The following AGMO variants were observed in gnomAD, a reference collection of about 807,000 sequenced individuals.
The protein encoded by AGMO is alkylglycerol monooxygenase.
A neutral mutation model predicts 60.2 loss-of-function variants in AGMO; 75 were observed. The ratio of observed to expected loss-of-function variants is 1.25; its 90% CI spans 1.03 to 1.51. The LOEUF (loss-of-function observed/expected upper bound fraction) is 1.51, where lower values mean the gene tolerates loss of function less well. AGMO is among the 40% of genes most tolerant of loss of function. AGMO has a pLI of 0.00. For missense variants in AGMO, 763 were observed against 525.5 expected (o/e 1.45, Z -4.42); for synonymous variants, 261 against 177.1 (o/e 1.47, Z -3.76).
chr7:15,443,145 G>A (rs1351946152), intron 3 of AGMO, among the ~76,000 whole-genome samples: 4 of 152,192 alleles, frequency 2.6e-5, no homozygotes, highest in Non-Finnish European at 5.9e-5. Context: ...ACCAAGGCAG[G>A]AAACCCTGGG....
intron 12 of AGMO, among the ~76,000 whole-genome samples, chr7:15,335,126 G>T (rs771313298): frequency 6.6e-6 from 1 of 152,136 alleles, no homozygotes; most frequent in South Asian, 2.1e-4. Flanking sequence ...AATGTAAAGT[G>T]TTCCATTTCT....
intron 3 of AGMO, among the ~76,000 whole-genome samples, chr7:15,452,603 G>A (rs1383341413): frequency 6.6e-6 from 1 of 152,170 alleles, no homozygotes; most frequent in African/African-American, 2.4e-5. Flanking sequence ...GTGAGGATGT[G>A]GAGAAGTTAG....
intron 3 of AGMO, among the ~76,000 whole-genome samples, chr7:15,508,085 C>T (rs746277906): frequency 7.2e-5 from 11 of 151,864 alleles, no homozygotes; most frequent in Non-Finnish European, 1.3e-4. Flanking sequence ...TAAAATAGCA[C>T]CAAAAGGGAG....
At chr7:15,304,067 T>C (rs896553788) in intron 12 of AGMO, among the ~76,000 whole-genome samples, 2 of 152,164 alleles carry the variant, frequency 1.3e-5, no homozygotes, top group Non-Finnish European at 2.9e-5. Context: ...CTTTTACATA[T>C]AACAATGCCA....
At position 15,455,157 on chromosome 7, in the gene AGMO, T is replaced by C. The variant is rs943634855; in HGVS notation, c.410-24049A>G. Among the ~76,000 whole-genome samples, 5 of 151,996 alleles carry C rather than the reference T, an allele frequency of 3.3e-5. No homozygotes were observed. The East Asian group carries it at 9.7e-4, about 29-fold the overall frequency. On this transcript the variant is annotated intron_variant, in intron 3 of 12. Coordinates refer to ENST00000342526, the MANE Select transcript of AGMO (RefSeq NM_001004320.2). Reference sequence around the variant, plus strand: ...TCTCAATAGAGTTATATTATCATTATTTTTGGTAAATAAGTATGAAATGTA... The same window carrying C: ...TCTCAATAGAGTTATATTATCATTACTTTTGGTAAATAAGTATGAAATGTA...
rs931311518 is a variant in AGMO, at chr7:15,384,240, A to G, written c.1074+1206T>C. On this transcript the variant is annotated intron_variant, in intron 10 of 12. Coordinates refer to ENST00000342526, the MANE Select transcript of AGMO (RefSeq NM_001004320.2). ...GCATGAGCCACCACGCCCAGCCTCA[A>G]TTTAGTCCATCTTTTAATGCACTAG... is the stretch of plus-strand genomic sequence containing the variant. Among the ~76,000 whole-genome samples, 8 of 152,250 alleles carry G rather than the reference A, an allele frequency of 5.3e-5. No individual in the cohort carries two copies. The East Asian group carries it at 9.6e-4, about 18-fold the overall frequency.
intron 10 of AGMO, among the ~76,000 whole-genome samples, chr7:15,375,865 A>T (rs1194652140): frequency 6.6e-6 from 1 of 152,170 alleles, no homozygotes; most frequent in South Asian, 2.1e-4. Flanking sequence ...TTTGTTATGT[A>T]ACTTTTTAAA....
chr7:15,194,811 GCCA>G, the AGMO span, among the ~76,000 whole-genome samples: 3 of 152,086 alleles, frequency 2.0e-5, no homozygotes, highest in African/African-American at 7.2e-5. Flanking sequence ...CCGTGTGGCT[GCCA>G]GGTTCCATTT....
chr7:15,439,913 C>T (rs1781503380), intron 3 of AGMO, among the ~76,000 whole-genome samples: 1 of 152,154 alleles, frequency 6.6e-6, no homozygotes, highest in Non-Finnish European at 1.5e-5. Flanking sequence ...CTGTCTCTTG[C>T]TTCCAATCTC....
the AGMO span, among the ~76,000 whole-genome samples, chr7:15,184,321 G>A: frequency 2.0e-3 from 192 of 94,426 alleles, 46 homozygotes; most frequent in Non-Finnish European, 2.4e-3. Context: ...GAGGGAAGGA[G>A]GGAAGGAGGA....
intron 12 of AGMO, among the ~76,000 whole-genome samples, chr7:15,214,624 GA>G (rs983045888): frequency 1.1e-4 from 17 of 151,916 alleles, no homozygotes; most frequent in African/African-American, 3.9e-4. Flanking sequence ...AAGAGCAGAG[GA>G]AAAAAATGGA....
intron 3 of AGMO, among the ~76,000 whole-genome samples, chr7:15,531,727 C>T (rs571534963): frequency 2.0e-4 from 30 of 148,694 alleles, no homozygotes; most frequent in East Asian, 1.4e-3. Context: ...CTAGGCTCAT[C>T]GCACCCTCTG....
chr7:15,507,413 T>C (rs1384445330), intron 3 of AGMO, among the ~76,000 whole-genome samples: 1 of 152,176 alleles, frequency 6.6e-6, no homozygotes, highest in African/African-American at 2.4e-5. Context: ...ATCCAGCCTC[T>C]AGAACCTACC....
chr7:15,528,830 T>C (rs1001836965), intron 3 of AGMO, among the ~76,000 whole-genome samples: 2 of 152,098 alleles, frequency 1.3e-5, no homozygotes, highest in African/African-American at 2.4e-5. Flanking sequence ...GTATTTTTAT[T>C]GGAGATGGAG....
At chr7:15,430,918 G>GGTTTTTTT in intron 4 of AGMO, 87 bp downstream of exon 4, 1 of 394,274 alleles carries the variant, frequency 2.5e-6, no homozygotes, top group East Asian at 4.2e-5. Flanking sequence ...CCTTCTATTA[G>GGTTTTTTT]TTTTTTTTTT....
rs373678155 is a variant in AGMO, at chr7:15,486,404, G to A, written c.410-55296C>T. Among the ~76,000 whole-genome samples, 6 of 152,300 alleles carry A rather than the reference G, an allele frequency of 3.9e-5. No individual in the cohort carries two copies. In the East Asian group the frequency reaches 1.2e-3, roughly 29 times the overall value. On this transcript the variant is annotated intron_variant, in intron 3 of 12. Coordinates refer to ENST00000342526, the MANE Select transcript of AGMO (RefSeq NM_001004320.2). Reference sequence around the variant, plus strand: ...AACTGAAGTAAACAAGCTTGAGAAAGTGACAATATCTGGTAAACACGAACA... The same window carrying A: ...AACTGAAGTAAACAAGCTTGAGAAAATGACAATATCTGGTAAACACGAACA...
At chr7:15,368,574 G>A (rs569455556) in intron 10 of AGMO, among the ~76,000 whole-genome samples, 4 of 152,172 alleles carry the variant, frequency 2.6e-5, no homozygotes, top group Admixed American at 6.6e-5. Flanking sequence ...TAAAATACGC[G>A]TTTGGCAAGG....
chr7:15,495,006 A>G (rs187649370), intron 3 of AGMO, among the ~76,000 whole-genome samples: 4 of 152,354 alleles, frequency 2.6e-5, no homozygotes, highest in African/African-American at 9.6e-5. Flanking sequence ...TGATGAATAT[A>G]GCCTTGCATT....
chr7:15,145,282 T>C, the AGMO span, among the ~76,000 whole-genome samples: 278 of 152,270 alleles, frequency 1.8e-3, 1 homozygote, highest in African/African-American at 6.3e-3. Context: ...GGTACTTGCT[T>C]CCTGAATGCC....
Sources: gnomAD v4.1 joint callset for allele counts (sites outside exome capture counted in the v4.1 genomes callset) on GRCh38, gnomAD v4.1.1 for gene constraint, MANE v1.5 for transcripts, NCBI Gene and HGNC (gene_info 2026-07-23, HGNC 2026-07-21) for gene names.